The following ZFYVE9 variants were observed in gnomAD, a reference collection of about 807,000 sequenced individuals.
ZFYVE9 encodes the protein zinc finger FYVE domain-containing protein 9.
ZFYVE9 carries 43 observed loss-of-function variants against 126.7 expected under a neutral mutation model. The ratio of observed to expected loss-of-function variants is 0.34; its 90% CI spans 0.27 to 0.44. The LOEUF is 0.44. Among genes scored for constraint, ZFYVE9 ranks in the 20% least tolerant of loss-of-function variants. The probability of loss-of-function intolerance (pLI) is 1.00; values close to 1 mark genes in which losing one functional copy is unlikely to be tolerated. For missense variants in ZFYVE9, 1,476 were observed against 1,697.0 expected (o/e 0.87, Z 2.29); for synonymous variants, 521 against 597.4 (o/e 0.87, Z 1.87).
intron 1 of ZFYVE9, among the ~76,000 whole-genome samples, chr1:52,203,971 C>T (rs1644949910): frequency 6.6e-6 from 1 of 152,120 alleles, no homozygotes; most frequent in Non-Finnish European, 1.5e-5. Flanking sequence ...GCTGTCTACC[C>T]GTTATAGCCC....
chr1:52,333,383 A>G (rs1244241449), intron 14 of ZFYVE9, among the ~76,000 whole-genome samples: 2 of 152,030 alleles, frequency 1.3e-5, no homozygotes, highest in Non-Finnish European at 2.9e-5. Flanking sequence ...GAGTATGTTT[A>G]GGTAAATTTG....
intron 1 of ZFYVE9, among the ~76,000 whole-genome samples, chr1:52,189,299 C>T (rs574640233): frequency 2.4e-4 from 35 of 144,456 alleles, no homozygotes; most frequent in African/African-American, 7.2e-4. Flanking sequence ...TGCAGTGGCA[C>T]GATCCAGGCT....
At chr1:52,184,904 C>T (rs557805518) in intron 1 of ZFYVE9, among the ~76,000 whole-genome samples, 1 of 152,026 alleles carries the variant, frequency 6.6e-6, no homozygotes, top group Non-Finnish European at 1.5e-5. Context: ...CCTGTAATCC[C>T]AGCACTTTGG....
At position 52,253,690 on chromosome 1, in the gene ZFYVE9, G is replaced by A. The variant is rs566752122; in HGVS notation, c.2179-10083G>A. The A allele has an allele frequency of 2.0e-5, 32 of 1,602,852 alleles. No homozygotes were observed. The South Asian group carries it at 3.2e-4, about 16-fold the overall frequency. On this transcript the variant is annotated intron_variant, in intron 4 of 18. Transcript: ENST00000287727. ...GTTGGAAAAGACTGGAACAGTACGG[G>A]AAATTGGGTCACAAGCTGTTTGGTC...
At chr1:52,169,726 AT>A (rs1644546625) in intron 1 of ZFYVE9, among the ~76,000 whole-genome samples, 1 of 152,198 alleles carries the variant, frequency 6.6e-6, no homozygotes. Context: ...GTGCTCAAGT[AT>A]TGGTTGAGTG....
At chr1:52,266,405 T>TTAAAAAAAAA (rs1181730554) in intron 5 of ZFYVE9, among the ~76,000 whole-genome samples, 42 of 85,640 alleles carry the variant, frequency 4.9e-4, no homozygotes, top group African/African-American at 1.9e-3. Flanking sequence ...TCTAATTCTT[T>TTAAAAAAAAA]AAAAAAAAAA....
intron 1 of ZFYVE9, chr1:52,160,137 T>C (rs1488054776): frequency 9.9e-6 from 6 of 607,040 alleles, no homozygotes; most frequent in East Asian, 5.6e-5. Flanking sequence ...ATTACACACA[T>C]AACACTATTC....
intron 1 of ZFYVE9, among the ~76,000 whole-genome samples, chr1:52,203,047 T>A (rs1303124937): frequency 6.6e-6 from 1 of 152,100 alleles, no homozygotes; most frequent in Non-Finnish European, 1.5e-5. Flanking sequence ...GGGTACAGAT[T>A]TTTAGGTTGG....
chr1:52,320,751 G>A (rs1237570828), intron 13 of ZFYVE9, among the ~76,000 whole-genome samples: 1 of 152,044 alleles, frequency 6.6e-6, no homozygotes, highest in Non-Finnish European at 1.5e-5. Context: ...ATTACAAAGG[G>A]GCTCAAGGAA....
At chr1:52,259,742 A>G (rs1402585866) in intron 4 of ZFYVE9, among the ~76,000 whole-genome samples, 2 of 152,046 alleles carry the variant, frequency 1.3e-5, no homozygotes, top group Admixed American at 1.3e-4. Context: ...GGTTGCAGTG[A>G]GCTGAAATGG....
chr1:52,187,873 C>A (rs1202026037), intron 1 of ZFYVE9, among the ~76,000 whole-genome samples: 1 of 152,164 alleles, frequency 6.6e-6, no homozygotes, highest in African/African-American at 2.4e-5. Flanking sequence ...ATTAGTTCAG[C>A]CATTATGGAA....
chr1:52,249,843 G>C (rs892117947), intron 4 of ZFYVE9, among the ~76,000 whole-genome samples: 1 of 152,092 alleles, frequency 6.6e-6, no homozygotes, highest in Non-Finnish European at 1.5e-5. Context: ...TGGATATCTG[G>C]TTTTCTCAGT....
At chr1:52,304,517 C>T (rs1326613591) in intron 13 of ZFYVE9, among the ~76,000 whole-genome samples, 1 of 152,184 alleles carries the variant, frequency 6.6e-6, no homozygotes, top group Non-Finnish European at 1.5e-5. Flanking sequence ...CCCACCTCGG[C>T]CTCCCAAAGT....
At chr1:52,156,838 CT>C (rs35403349) in intron 1 of ZFYVE9, among the ~76,000 whole-genome samples, 118 of 144,370 alleles carry the variant, frequency 8.2e-4, no homozygotes, top group South Asian at 8.9e-4. Flanking sequence ...TAGTGACATT[CT>C]TTTTTTTTTT....
intron 12 of ZFYVE9, among the ~76,000 whole-genome samples, chr1:52,301,370 C>T (rs114129188): frequency 0.016 from 2,285 of 139,124 alleles, 19 homozygotes; most frequent in Non-Finnish European, 0.025. Flanking sequence ...GGCACAATCA[C>T]GGCTCACTGC....
chr1:52,259,391 A>T (rs1013385592), intron 4 of ZFYVE9, among the ~76,000 whole-genome samples: 2 of 152,110 alleles, frequency 1.3e-5, no homozygotes, highest in East Asian at 1.9e-4. Context: ...AAAGCAACTA[A>T]TTTTTTTAAA....
At position 52,237,923 on chromosome 1, in the gene ZFYVE9, G is replaced by T; in HGVS notation, c.506G>T (p.Cys169Phe). 4 of 1,613,976 alleles carry T rather than the reference G, an allele frequency of 2.5e-6. No individual in the cohort carries two copies. Among genetic ancestry groups the T allele is most frequent in the Non-Finnish European group, 2.5e-6 (3 of 1,179,944 alleles). Reference protein sequence around the residue: ...KRTLQNDLQDCNNYNSQSLMD... With the variant: ...KRTLQNDLQDFNNYNSQSLMD... Reference sequence around the variant, plus strand: ...ACATTACAAAACGATTTACAGGATTGTAATAATTATAATAGTCAATCCCTT... The same window carrying T: ...ACATTACAAAACGATTTACAGGATTTTAATAATTATAATAGTCAATCCCTT... Residue 169 changes from cysteine (C) to phenylalanine (F), a missense_variant, in exon 4 of 19, where the codon TGT (cysteine) becomes TTT (phenylalanine). Transcript: ENST00000287727.
At chr1:52,250,317 G>C (rs1645431830) in intron 4 of ZFYVE9, among the ~76,000 whole-genome samples, 1 of 152,036 alleles carries the variant, frequency 6.6e-6, no homozygotes, top group Non-Finnish European at 1.5e-5. Flanking sequence ...AGTTTTCACT[G>C]TACAGTATTT....
intron 1 of ZFYVE9, chr1:52,179,763 G>C: frequency 2.3e-6 from 1 of 437,104 alleles, no homozygotes; most frequent in South Asian, 2.9e-5. Context: ...TTTTAAAAAA[G>C]AGTGTTCCTG....
Sources: gnomAD v4.1 joint callset for allele counts (sites outside exome capture counted in the v4.1 genomes callset) on GRCh38, gnomAD v4.1.1 for gene constraint, MANE v1.5 for transcripts, NCBI Gene and HGNC (gene_info 2026-07-23, HGNC 2026-07-21) for gene names.